HSD17B2: variants seen among roughly 807,000 people sequenced by gnomAD.
HSD17B2 encodes the protein hydroxysteroid 17-beta dehydrogenase 2.
HSD17B2 carries 32 observed loss-of-function variants against 26.9 expected under a neutral mutation model. The ratio of observed to expected loss-of-function variants is 1.19; its 90% confidence interval spans 0.90 to 1.60. HSD17B2 has a LOEUF of 1.60. Among genes scored for constraint, HSD17B2 ranks in the 40% most tolerant of loss-of-function variants. The pLI, the probability that HSD17B2 is intolerant of heterozygous loss-of-function variation, is 0.00. For missense variants in HSD17B2, 613 were observed against 468.6 expected (o/e 1.31, Z -2.85); for synonymous variants, 246 against 186.7 (o/e 1.32, Z -2.59).
chr16:82,039,273 GCACAAACACACACACA>G (rs1359753359), intron 1 of HSD17B2, among the ~76,000 whole-genome samples: 1 of 127,176 alleles, frequency 7.9e-6, no homozygotes, highest in African/African-American at 3.0e-5. Flanking sequence ...ACACACACAC[GCACAAACACACACACA>G]CCCCTGCATA....
chr16:82,072,331 C>A (rs1393589563), intron 3 of HSD17B2, among the ~76,000 whole-genome samples: 1 of 152,130 alleles, frequency 6.6e-6, no homozygotes, highest in Non-Finnish European at 1.5e-5. Flanking sequence ...TTCCTGCTAC[C>A]TTGCCAAAGC....
At chr16:82,084,772 G>T (rs1026540160) in intron 3 of HSD17B2, among the ~76,000 whole-genome samples, 2 of 152,148 alleles carry the variant, frequency 1.3e-5, no homozygotes, top group Non-Finnish European at 2.9e-5. Context: ...TCCCTCTGGT[G>T]CCCAGGTTGG....
At chr16:82,054,443 C>T (rs1230074808) in intron 1 of HSD17B2, among the ~76,000 whole-genome samples, 2 of 152,058 alleles carry the variant, frequency 1.3e-5, no homozygotes, top group Non-Finnish European at 2.9e-5. Flanking sequence ...CTCCCAGGTT[C>T]AAGCAATTCT....
chr16:82,098,008 C>G, intron 4 of HSD17B2, 67 bp from the exon 5 acceptor site: 1 of 1,511,876 alleles, frequency 6.6e-7, no homozygotes. Flanking sequence ...CCAACAGAGA[C>G]AAGCGCCTGC....
At chr16:82,096,385 G>C (rs540868896) in intron 4 of HSD17B2, 1 of 152,022 alleles carries the variant, frequency 6.6e-6, no homozygotes, top group Non-Finnish European at 1.5e-5. Context: ...ACCATGCCCA[G>C]CTAATTTTTG....
At chr16:82,050,633 T>C (rs1914080269) in intron 1 of HSD17B2, among the ~76,000 whole-genome samples, 1 of 152,082 alleles carries the variant, frequency 6.6e-6, no homozygotes, top group South Asian at 2.1e-4. Flanking sequence ...AGCCCCCAGA[T>C]CCCACACCTC....
chr16:82,083,030 G>T (rs1567591019), intron 3 of HSD17B2, among the ~76,000 whole-genome samples: 1 of 152,086 alleles, frequency 6.6e-6, no homozygotes, highest in Non-Finnish European at 1.5e-5. Flanking sequence ...AAGGGTCTCA[G>T]ATGCTCTTCC....
At chr16:82,073,690 A>G (rs1914749734) in intron 3 of HSD17B2, among the ~76,000 whole-genome samples, 1 of 152,178 alleles carries the variant, frequency 6.6e-6, no homozygotes, top group African/African-American at 2.4e-5. Context: ...ACACTGCTCA[A>G]AGAAATTGGA....
At chr16:82,039,894 T>C (rs950151751) in intron 1 of HSD17B2, among the ~76,000 whole-genome samples, 11 of 152,122 alleles carry the variant, frequency 7.2e-5, no homozygotes, top group African/African-American at 2.4e-4. Flanking sequence ...TCCAGGTTCA[T>C]TCCCAAAGCG....
chr16:82,056,644 G>C (rs369781497), intron 1 of HSD17B2: 2 of 152,200 alleles, frequency 1.3e-5, no homozygotes, highest in African/African-American at 4.8e-5. Flanking sequence ...TGCTGATTAA[G>C]TTTCTCTATA....
chr16:82,089,472 G>C (rs1904621615), intron 3 of HSD17B2, among the ~76,000 whole-genome samples: 1 of 152,170 alleles, frequency 6.6e-6, no homozygotes, highest in Non-Finnish European at 1.5e-5. Flanking sequence ...GAGCCCTACT[G>C]TCTTTGCTCC....
chr16:82,047,918 G>A (rs760394906), intron 1 of HSD17B2, among the ~76,000 whole-genome samples: 1 of 152,216 alleles, frequency 6.6e-6, no homozygotes, highest in East Asian at 1.9e-4. Flanking sequence ...ATGATTCTGA[G>A]GGTCTGAGGG....
At chr16:82,040,981 C>G (rs1271633315) in intron 1 of HSD17B2, among the ~76,000 whole-genome samples, 1 of 152,042 alleles carries the variant, frequency 6.6e-6, no homozygotes, top group Non-Finnish European at 1.5e-5. Flanking sequence ...GAACAAATGT[C>G]CCCACTTATC....
At chr16:82,039,352 GGAGA>G (rs1184386645) in intron 1 of HSD17B2, among the ~76,000 whole-genome samples, 3 of 134,046 alleles carry the variant, frequency 2.2e-5, no homozygotes, top group African/African-American at 8.0e-5. Context: ...AGAGAGAGAG[GGAGA>G]GAGAGAGAGA....
At chr16:82,064,049 G>T (rs1030133635) in intron 1 of HSD17B2, among the ~76,000 whole-genome samples, 1 of 152,124 alleles carries the variant, frequency 6.6e-6, no homozygotes, top group Non-Finnish European at 1.5e-5. Flanking sequence ...AAAAGGGTGG[G>T]GACATTTCTT....
chr16:82,036,163 G>T (rs1002823182), intron 1 of HSD17B2, among the ~76,000 whole-genome samples: 3 of 152,070 alleles, frequency 2.0e-5, no homozygotes, highest in African/African-American at 7.2e-5. Context: ...CACTTACCTG[G>T]GCTGGAGACT....
chr16:82,035,774 A>C, intron 1 of HSD17B2, 85 bp downstream of exon 1: 1 of 1,377,050 alleles, frequency 7.3e-7, no homozygotes, highest in African/African-American at 1.4e-5. Flanking sequence ...ATCTGGCTTA[A>C]AAATAAAATA....
At chr16:82,070,191 G>C (rs909509054) in intron 2 of HSD17B2, among the ~76,000 whole-genome samples, 15 of 152,058 alleles carry the variant, frequency 9.9e-5, no homozygotes, top group African/African-American at 3.6e-4. Flanking sequence ...GCATCCCACA[G>C]CTCAGACACT....
chr16:82,067,812 C>A lies in HSD17B2; in HGVS notation c.266-358C>A, dbSNP rs1213434939. On this transcript the variant is annotated intron_variant, in intron 1 of 4. Coordinates refer to ENST00000199936, the MANE Select transcript of HSD17B2 (RefSeq NM_002153.3). Reference sequence around the variant, plus strand: ...ACAGAGTGAGTGAAGTTACATCAAACACTACACATTATAGATTACTGAAGC... The same window carrying A: ...ACAGAGTGAGTGAAGTTACATCAAAAACTACACATTATAGATTACTGAAGC... Among the ~76,000 whole-genome samples the A allele has an allele frequency of 2.0e-5, 3 of 152,228 alleles. No homozygotes were observed. In the East Asian group the frequency reaches 5.8e-4, roughly 29 times the overall value.
Sources: gnomAD v4.1 joint callset for allele counts (sites outside exome capture counted in the v4.1 genomes callset) on GRCh38, gnomAD v4.1.1 for gene constraint, MANE v1.5 for transcripts, NCBI Gene and HGNC (gene_info 2026-07-23, HGNC 2026-07-21) for gene names.